Variants in CA13 observed in about 807,000 individuals in gnomAD.
CA13 encodes carbonic anhydrase 13, also known as CA-XIII.
In CA13, 21 loss-of-function variants were observed where a neutral mutation model predicts 31.5. The observed-to-expected ratio is 0.67, with a 90% CI of 0.47 to 0.96. CA13 has a LOEUF of 0.96. CA13 is among the 40% of genes least tolerant of loss of function. The pLI, the probability that CA13 is intolerant of heterozygous loss-of-function variation, is 0.00. For synonymous variants in CA13, 117 were observed against 111.4 expected (o/e 1.05, Z -0.32); for missense variants, 315 against 318.9 (o/e 0.99, Z 0.09).
chr8:85,277,555 C>G (rs540665354), intron 6 of CA13, among the ~76,000 whole-genome samples: 1 of 152,324 alleles, frequency 6.6e-6, no homozygotes, highest in South Asian at 2.1e-4. Context: ...CAATTCCGGA[C>G]ACAATAACAC....
intron 2 of CA13, among the ~76,000 whole-genome samples, chr8:85,251,374 G>A (rs1263682341): frequency 9.9e-5 from 15 of 152,002 alleles, no homozygotes; most frequent in Admixed American, 9.2e-4. Context: ...ATTTTTCTTC[G>A]TGTGAATTAA....
At chr8:85,269,088 T>C in intron 6 of CA13, among the ~76,000 whole-genome samples, 1 of 152,206 alleles carries the variant, frequency 6.6e-6, no homozygotes. Context: ...GGACAGTGAT[T>C]GGTGCAGTGC....
At chr8:85,252,424 C>G (rs1807207142) in intron 2 of CA13, among the ~76,000 whole-genome samples, 1 of 96,300 alleles carries the variant, frequency 1.0e-5, no homozygotes, top group African/African-American at 3.5e-5. Flanking sequence ...TGTATATTCC[C>G]TATTAGTACT....
chr8:85,255,297 C>G (rs1417055275), intron 2 of CA13, among the ~76,000 whole-genome samples: 1 of 150,654 alleles, frequency 6.6e-6, no homozygotes, highest in Non-Finnish European at 1.5e-5. Context: ...AGATCTCACT[C>G]TGTCACCCAG....
chr8:85,256,378 A>C (rs191848557), intron 2 of CA13, among the ~76,000 whole-genome samples: 4 of 152,232 alleles, frequency 2.6e-5, no homozygotes, highest in African/African-American at 9.6e-5. Context: ...TATCAAAAAG[A>C]AAGTTGTCTT....
chr8:85,259,095 G>A (rs1336921098), intron 2 of CA13, among the ~76,000 whole-genome samples: 1 of 152,174 alleles, frequency 6.6e-6, no homozygotes, highest in Non-Finnish European at 1.5e-5. Flanking sequence ...TATTCAGACA[G>A]GCTGACTTAT....
chr8:85,277,187 C>T (rs761817310), intron 6 of CA13, among the ~76,000 whole-genome samples: 1 of 152,174 alleles, frequency 6.6e-6, no homozygotes, highest in Non-Finnish European at 1.5e-5. Context: ...TCTGTTCTTT[C>T]CCTCTTTGCA....
chr8:85,268,997 C>T (rs538945330), intron 6 of CA13, among the ~76,000 whole-genome samples: 5 of 152,258 alleles, frequency 3.3e-5, no homozygotes, highest in African/African-American at 9.6e-5. Context: ...AATCAGAGAG[C>T]GGCTACTTAT....
rs923020093 is a variant in CA13 at position 85,267,142 on chromosome 8, G to A, written c.450+439G>A. ...TTCCTTTAATCTAACGTTCACATGT[G>A]GTTAGACAATTATTGTCATCATACC... On this transcript the variant is annotated intron_variant, in intron 4 of 6. Transcript: ENST00000321764. 6 of 554,186 alleles carry A rather than the reference G, an allele frequency of 1.1e-5. No individual in the cohort carries two copies. In the African/African-American group the frequency reaches 1.2e-4, roughly 11 times the overall value. The allele number at this position is 554,186 out of a possible 1,614,324, so 34.3% of individuals were successfully genotyped here. A position where few individuals can be genotyped will look rare whatever the true frequency, so the allele number is the denominator to read the frequency against.
At chr8:85,267,758 G>T in intron 4 of CA13, 144 bp from the exon 5 acceptor site, 1 of 508,214 alleles carries the variant, frequency 2.0e-6, no homozygotes, top group East Asian at 3.1e-5. Flanking sequence ...AGGTAAAAGA[G>T]AAGCTTTGTT....
rs199634615 is a variant in CA13, at chr8:85,259,488, T to C, written c.303T>C (p.Ala101=). The C allele has an allele frequency of 6.2e-7, 1 of 1,614,016 alleles. No homozygotes were observed. The highest frequency in any genetic ancestry group is 2.2e-5 in the East Asian group (1 of 44,882). Residue 101 remains alanine, a synonymous_variant, in exon 3 of 7, where the codon GCT becomes GCC. Transcript: ENST00000321764. ...LRQVHLHWGS[A]DDHGSEHIVD... ...AGGTTCACCTTCACTGGGGGTCCGC[T>C]GATGACCACGGCTCCGAGCACATAG...
intron 2 of CA13, 64 bp downstream of exon 2, chr8:85,251,001 C>CTTTT: frequency 1.4e-5 from 11 of 771,806 alleles, no homozygotes; most frequent in Admixed American, 2.9e-5. Flanking sequence ...AGACTATACT[C>CTTTT]TTTTTTTTTT....
chr8:85,268,354 G>T, intron 5 of CA13, 118 bp from the exon 6 acceptor site: 1 of 871,592 alleles, frequency 1.1e-6, no homozygotes, highest in Non-Finnish European at 1.8e-6. Context: ...CATAATTCTA[G>T]ATGCAGATAT....
chr8:85,251,020 T>G (rs974866246), intron 2 of CA13, 83 bp downstream of exon 2: 2 of 766,492 alleles, frequency 2.6e-6, no homozygotes, highest in Admixed American at 2.8e-5. Flanking sequence ...TTTTTTTTTT[T>G]GAGACAGAGT....
At chr8:85,270,731 A>G (rs564938613) in intron 6 of CA13, among the ~76,000 whole-genome samples, 4 of 152,152 alleles carry the variant, frequency 2.6e-5, no homozygotes, top group Non-Finnish European at 5.9e-5. Context: ...CTTTTTGTTT[A>G]GTTTCGTTTT....
At chr8:85,250,980 T>G (rs1563999229) in intron 2 of CA13, 43 bp downstream of exon 2, 10 of 1,383,256 alleles carry the variant, frequency 7.2e-6, no homozygotes, top group Non-Finnish European at 1.0e-5. Flanking sequence ...GGATGAAGGG[T>G]TTGAATGATT....
In CA13 at chr8:85,260,195, CTG is replaced by C. The variant is rs977125492; in HGVS notation, c.354+659_354+660del. On this transcript the variant is annotated intron_variant, in intron 3 of 6. Transcript: ENST00000321764. ...TATAATTGTATTCACTAATAATACT[CTG>C]TGCAGGATCTGGATTAAAAAATGCT... Among the ~76,000 whole-genome samples, 6 of 152,258 alleles carry C rather than the reference CTG, an allele frequency of 3.9e-5. 1 individual carries two copies. The highest frequency in any genetic ancestry group is 2.4e-5 in the African/African-American group (1 of 41,556).
chr8:85,255,619 C>A (rs1054761551), intron 2 of CA13, among the ~76,000 whole-genome samples: 3 of 152,140 alleles, frequency 2.0e-5, no homozygotes, highest in African/African-American at 7.2e-5. Flanking sequence ...CTCAAGTAAT[C>A]CACCCGCCTT....
Position 85,278,443 on chromosome 8 carries a change from A to C in CA13, c.670-2787A>C, listed in dbSNP as rs1206776356. On this transcript the variant is annotated intron_variant, in intron 6 of 6. Coordinates refer to ENST00000321764, the MANE Select transcript of CA13 (RefSeq NM_198584.3). ...CTTAGAGTGAGACATGCGTGTGGAC[A>C]TAATAGATCCATCTAGGAAGGTTAG... Among the ~76,000 whole-genome samples, 4 of 152,288 alleles carry C rather than the reference A, an allele frequency of 2.6e-5. No homozygotes were observed. The East Asian group carries it at 5.8e-4, about 22-fold the overall frequency.
Sources: allele counts gnomAD v4.1 joint callset (sites outside exome capture counted in the v4.1 genomes callset), GRCh38; gene constraint gnomAD v4.1.1; transcripts MANE v1.5; gene names NCBI Gene and HGNC (gene_info 2026-07-23, HGNC 2026-07-21).